The following CRTC2 variants were observed in gnomAD, a reference collection of about 807,000 sequenced individuals.
CRTC2 encodes CREB regulated transcription coactivator 2, also known as CREB-regulated transcription coactivator 2.
Under a neutral mutation model 70.9 loss-of-function variants are expected in CRTC2, and 25 were observed. That is an observed-to-expected ratio of 0.35 (90% confidence interval 0.26 to 0.49). The LOEUF (loss-of-function observed/expected upper bound fraction) is 0.49, where lower values mean the gene tolerates loss of function less well. Among genes scored for constraint, CRTC2 ranks in the 20% least tolerant of loss-of-function variants. The probability of loss-of-function intolerance (pLI) is 0.98; values close to 1 mark genes in which losing one functional copy is unlikely to be tolerated. For missense variants in CRTC2, 737 were observed against 882.6 expected, an observed-to-expected ratio of 0.83 and a Z score of 2.09; for synonymous variants, 330 against 364.1, an observed-to-expected ratio of 0.91 and a Z score of 1.07.
chr1:153,953,284 G>C lies in CRTC2; in HGVS notation c.589C>G (p.Leu197Val). 4 of 1,590,478 alleles carry C rather than the reference G, an allele frequency of 2.5e-6. No individual in the cohort carries two copies. Among genetic ancestry groups the C allele is most frequent in the Non-Finnish European group, 3.4e-6 (4 of 1,171,774 alleles). ...TYPGPTPPSI[L>V]PSRRGGILDG... Reference sequence around the variant, plus strand: ...CACTTACCCCCACGTCGGCTGGGCAGGATGCTGGGAGGTGTGGGGCCTGGG... The same window carrying C: ...CACTTACCCCCACGTCGGCTGGGCACGATGCTGGGAGGTGTGGGGCCTGGG... Residue 197 changes from leucine to valine, a missense_variant, in exon 6 of 14, where the codon CTG becomes GTG. Leu to Val is a conservative substitution (Grantham distance 32). Coordinates refer to ENST00000368633, the MANE Select transcript of CRTC2 (RefSeq NM_181715.3).
chr1:153,951,955 C>A lies in CRTC2; in HGVS notation c.997+63G>T. On this transcript the variant is annotated intron_variant, in intron 10 of 13. Transcript: ENST00000368633. ...GCAGGATCTCAGGTGCTCAAACCTACCTCCCCTTCATCCCTCCAGTCAGGC... is the reference window on the plus strand; with the variant it reads ...GCAGGATCTCAGGTGCTCAAACCTAACTCCCCTTCATCCCTCCAGTCAGGC... 2.6e-6 allele frequency: 4 copies of A among 1,566,088 alleles called. No homozygotes were observed. In the South Asian group the frequency reaches 3.6e-5, roughly 14 times the overall value.
At chr1:153,958,134 T>C (rs763436419) in intron 1 of CRTC2, 143 of 1,409,016 alleles carry the variant, frequency 1.0e-4, no homozygotes, top group Middle Eastern at 5.3e-4. Flanking sequence ...CAGTCGCCTC[T>C]ACACCCCGAA....
rs774989795 is a variant in CRTC2, at chr1:153,951,588, G to C, written c.1076C>G (p.Pro359Arg). The part of the protein sequence containing the change: ...NPNLQASLSS[P>R]QPQLQGSHSH... ...GTGGGAGCCCTGAAGCTGGGGCTGA[G>C]GACTGCTCAGGGAAGCCTGGAGGTT... Residue 359 changes from proline (P) to arginine (R), a missense_variant, in exon 11 of 14, where the codon CCT becomes CGT. This residue lies in a region of CRTC2 where 699 missense variants were observed against 823.7 expected (regional missense o/e 0.85). Transcript: ENST00000368633. 6.2e-7 allele frequency: 1 copy of C among 1,613,364 alleles called. No individual in the cohort carries two copies. The highest frequency in any genetic ancestry group is 1.7e-5 in the Admixed American group (1 of 59,976).
chr1:153,948,738 A>C, intron 12 of CRTC2, 94 bp from the exon 13 acceptor site: 2 of 1,382,662 alleles, frequency 1.4e-6, no homozygotes, highest in Non-Finnish European at 2.0e-6. Flanking sequence ...AGCAACCTTC[A>C]TCCACCCCAG....
In CRTC2 at chr1:153,958,139, C is replaced by A; in HGVS notation, c.153+206G>T. The A allele has an allele frequency of 2.8e-6, 4 of 1,414,610 alleles. No homozygotes were observed. In the South Asian group the frequency reaches 4.5e-5, roughly 16 times the overall value. 87.6% of individuals were successfully genotyped at this position (1,414,610 alleles called of 1,614,324 possible). On this transcript the variant is annotated intron_variant, in intron 1 of 13. Transcript: ENST00000368633. ...ACTCGGCCCCCAGTCGCCTCTACAC[C>A]CCGAACCTCTCCGGTGTTTCGGTCT... is the stretch of plus-strand genomic sequence containing the variant.
Position 153,958,520 on chromosome 1 carries a change from C to T in CRTC2, c.-23G>A, listed in dbSNP as rs1386908857. The T allele has an allele frequency of 1.1e-5, 17 of 1,597,894 alleles. No homozygotes were observed. Among genetic ancestry groups the T allele is most frequent in the East Asian group, 2.2e-5 (1 of 44,452 alleles). On this transcript the variant is annotated 5_prime_UTR_variant, in exon 1 of 14. Transcript: ENST00000368633. The stretch of plus-strand genomic sequence containing the variant: ...CATCTTCCTTCCCCGTCCCTCCCTG[C>T]CACCCTCCCAGTACCAGCCGCGGCC...
rs186538251 is a variant in CRTC2, at chr1:153,953,140, G to A, written c.607+126C>T. The A allele has an allele frequency of 4.5e-3, 2,709 of 607,118 alleles. 8 individuals carry two copies. The highest frequency in any genetic ancestry group is 5.4e-3 in the Non-Finnish European group (1,925 of 355,270). The allele number at this position is 607,118 out of a possible 1,614,324, so 37.6% of individuals were successfully genotyped here. ...GGAGGTTGCAGTGAGCCGAGATCAC[G>A]CCACTGCACTCCAGCCTAGGCGACA... On this transcript the variant is annotated intron_variant, in intron 6 of 13. Transcript: ENST00000368633.
At chr1:153,951,756 T>C in intron 10 of CRTC2, 90 bp from the exon 11 acceptor site, 2 of 1,413,608 alleles carry the variant, frequency 1.4e-6, no homozygotes, top group Non-Finnish European at 1.9e-6. Flanking sequence ...GTGACCAGAC[T>C]ATGAAAGCGG....
At chr1:153,953,669 G>T in intron 4 of CRTC2, 63 bp from the exon 5 acceptor site, 1 of 1,245,634 alleles carries the variant, frequency 8.0e-7, no homozygotes, top group Non-Finnish European at 1.1e-6. Flanking sequence ...GTGGGCATAG[G>T]GGTTGGAAAA....
At position 153,953,078 on chromosome 1, in the gene CRTC2, G is replaced by A; in HGVS notation, c.607+188C>T. The stretch of plus-strand genomic sequence containing the variant: ...GATGCCTGTAATCCCAGCTACTCAG[G>A]AGGCTGAGGCAGGAGAATCGCTTGA... On this transcript the variant is annotated intron_variant, in intron 6 of 13. Transcript: ENST00000368633. The A allele has an allele frequency of 4.9e-6, 3 of 611,300 alleles. No homozygotes were observed. In the South Asian group the frequency reaches 5.8e-5, roughly 12 times the overall value. The allele number at this position is 611,300 out of a possible 1,614,324, so 37.9% of individuals were successfully genotyped here. A position where few individuals can be genotyped will look rare whatever the true frequency, so the allele number is the denominator to read the frequency against.
In CRTC2 at chr1:153,949,311, A is replaced by C. The variant is rs201439820; in HGVS notation, c.1478T>G (p.Leu493Arg). The part of the protein sequence containing the change: ...LPPYPYSSPS[L>R]VLPTQPHTPK... The stretch of plus-strand genomic sequence containing the variant: ...GGTGTGGGGCTGGGTAGGCAGAACC[A>C]GACTTGGGGAGCTGTATGGGTATGG... The change falls in exon 12 of 14, where the codon CTG (leucine) becomes CGG (arginine). Residue 493 changes from leucine to arginine, a missense_variant. Leu to Arg is a moderately radical substitution (Grantham distance 102). Around this residue, in one of 3 missense-constraint regions of CRTC2, gnomAD observed 699 missense variants for 823.7 expected, o/e 0.85. Coordinates refer to ENST00000368633, the MANE Select transcript of CRTC2 (RefSeq NM_181715.3). The C allele has an allele frequency of 6.2e-7, 1 of 1,613,988 alleles. No individual in the cohort carries two copies. Among genetic ancestry groups the C allele is most frequent in the East Asian group, 2.2e-5 (1 of 44,884 alleles).
At chr1:153,954,341 A>C (rs1385370826) in intron 3 of CRTC2, 25 bp from the exon 4 acceptor site, 1 of 1,571,638 alleles carries the variant, frequency 6.4e-7, no homozygotes, top group Admixed American at 1.7e-5. Flanking sequence ...TTAAGGAAAA[A>C]AGTAGAGAGG....
Position 153,951,523 on chromosome 1 carries a change from C to T in CRTC2, c.1141G>A (p.Val381Ile), listed in dbSNP as rs1680320689. The change falls in exon 11 of 14, where the codon GTA becomes ATA. Residue 381 changes from valine to isoleucine, a missense_variant. This residue lies in a region of CRTC2 where 699 missense variants were observed against 823.7 expected (regional missense o/e 0.85). Coordinates refer to ENST00000368633, the MANE Select transcript of CRTC2 (RefSeq NM_181715.3). ...TGGCCCAGGGAGGTGGTGGGCAGTA[C>T]ATGGCGGGCCAAGGAGGAGGCAGGC... The part of the protein sequence containing the change: ...SLPASSLARH[V>I]LPTTSLGHPS... 2 of 1,604,578 alleles carry T rather than the reference C, an allele frequency of 1.2e-6. No individual in the cohort carries two copies. The highest frequency in any genetic ancestry group is 8.5e-7 in the Non-Finnish European group (1 of 1,175,618).
At chr1:153,951,125 G>A (rs1011019486) in intron 11 of CRTC2, 135 bp downstream of exon 11, 5 of 958,352 alleles carry the variant, frequency 5.2e-6, no homozygotes, top group Non-Finnish European at 7.9e-6. Flanking sequence ...ATAAAAGATG[G>A]GGCAGGCGGA....
chr1:153,954,744 G>A, intron 3 of CRTC2, 129 bp downstream of exon 3: 1 of 821,728 alleles, frequency 1.2e-6, no homozygotes, highest in South Asian at 1.6e-5. Flanking sequence ...TCGCTTTTCA[G>A]GGAAGCTGGG....
rs369256299 is a variant in CRTC2, at chr1:153,955,427, C to T, written c.154-261G>A. Reference sequence around the variant, plus strand: ...CTAAAAATACAAAAAATTAGCCGGGCGTGGTGGCGGGCGCCTGTAGTCCCA... The same window carrying T: ...CTAAAAATACAAAAAATTAGCCGGGTGTGGTGGCGGGCGCCTGTAGTCCCA... On this transcript the variant is annotated intron_variant, in intron 1 of 13. Coordinates refer to ENST00000368633, the MANE Select transcript of CRTC2 (RefSeq NM_181715.3). Among the ~76,000 whole-genome samples, 17 of 151,712 alleles carry T rather than the reference C, an allele frequency of 1.1e-4. No individual in the cohort carries two copies. The East Asian group carries it at 2.7e-3, about 24-fold the overall frequency.
rs544742609 is a variant in CRTC2 at position 153,951,123 on chromosome 1, T to A, written c.1404+137A>T. The A allele has an allele frequency of 1.4e-5, 13 of 949,160 alleles. No homozygotes were observed. The East Asian group carries it at 3.5e-4, about 25-fold the overall frequency. The allele number at this position is 949,160 out of a possible 1,614,324, so 58.8% of individuals were successfully genotyped here. A position where few individuals can be genotyped will look rare whatever the true frequency, so the allele number is the denominator to read the frequency against. On this transcript the variant is annotated intron_variant, in intron 11 of 13. Coordinates refer to ENST00000368633, the MANE Select transcript of CRTC2 (RefSeq NM_181715.3). ...AAGAGGAGACAAGATGGATAAAAGA[T>A]GGGGCAGGCGGAGGACAGAGGAATG...
intron 1 of CRTC2, among the ~76,000 whole-genome samples, chr1:153,957,863 C>A (rs1047890804): frequency 6.6e-6 from 1 of 152,138 alleles, no homozygotes; most frequent in Non-Finnish European, 1.5e-5. Flanking sequence ...CAGCACCGCT[C>A]GTTCAAACCA....
At chr1:153,948,779 G>T in intron 12 of CRTC2, 135 bp from the exon 13 acceptor site, 1 of 1,024,340 alleles carries the variant, frequency 9.8e-7, no homozygotes, top group Non-Finnish European at 1.5e-6. Flanking sequence ...GGAGGTGGCA[G>T]CAAGCAGAGC....
Sources: gnomAD v4.1 joint callset for allele counts (sites outside exome capture counted in the v4.1 genomes callset) on GRCh38, gnomAD v4.1.1 for gene constraint, gnomAD v4.1.1 regional missense constraint, MANE v1.5 for transcripts, NCBI Gene and HGNC (gene_info 2026-07-23, HGNC 2026-07-21) for gene names.